The following SLC9A9 variants were observed in gnomAD, a reference collection of about 807,000 sequenced individuals.
SLC9A9 encodes the protein sodium/hydrogen exchanger 9.
In SLC9A9, 62 loss-of-function variants were observed where a neutral mutation model predicts 77.8. The observed-to-expected ratio is 0.80, with a 90% CI of 0.65 to 0.98. The LOEUF (loss-of-function observed/expected upper bound fraction) is 0.98, where lower values mean the gene tolerates loss of function less well. SLC9A9 is among the 50% of genes least tolerant of loss of function. The pLI is 0.00. For synonymous variants in SLC9A9, 320 were observed against 283.5 expected (o/e 1.13, Z -1.29); for missense variants, 775 against 774.9 (o/e 1.00, Z 0.00).
intron 6 of SLC9A9, among the ~76,000 whole-genome samples, chr3:143,635,167 G>A (rs1051279538): frequency 2.6e-5 from 4 of 152,160 alleles, no homozygotes; most frequent in Non-Finnish European, 4.4e-5. Flanking sequence ...AAGATGGATC[G>A]CCCACATGTC....
chr3:143,751,946 G>A (rs551129331), intron 4 of SLC9A9, among the ~76,000 whole-genome samples: 6 of 152,318 alleles, frequency 3.9e-5, no homozygotes, highest in South Asian at 2.1e-4. Context: ...GAGGCTGACT[G>A]TAAGAAAACC....
At position 143,283,785 on chromosome 3, in the gene SLC9A9, C is replaced by G. The variant is rs115228669; in HGVS notation, c.1605-14805G>C. Among the ~76,000 whole-genome samples, 344 of 152,320 alleles carry G rather than the reference C, an allele frequency of 2.3e-3. 3 individuals carry two copies. The highest frequency in any genetic ancestry group is 7.8e-3 in the African/African-American group (325 of 41,568). Reference sequence around the variant, plus strand: ...AAACGGAAAGTCCTGCCCATATCCACCATATCAACACATCTTCTCAGGAGT... The same window carrying G: ...AAACGGAAAGTCCTGCCCATATCCAGCATATCAACACATCTTCTCAGGAGT... On this transcript the variant is annotated intron_variant, in intron 14 of 15. Coordinates refer to ENST00000316549, the MANE Select transcript of SLC9A9 (RefSeq NM_173653.4).
At chr3:143,785,179 T>C (rs1468900405) in intron 4 of SLC9A9, among the ~76,000 whole-genome samples, 1 of 152,148 alleles carries the variant, frequency 6.6e-6, no homozygotes, top group Admixed American at 6.5e-5. Context: ...CAGCAAGAGG[T>C]GAAGCCTATT....
intron 14 of SLC9A9, among the ~76,000 whole-genome samples, chr3:143,274,282 C>A (rs1937981357): frequency 1.3e-5 from 2 of 152,234 alleles, no homozygotes; most frequent in Admixed American, 1.3e-4. Flanking sequence ...CTGTACCCTA[C>A]ACCCTTTCAT....
At chr3:143,463,736 C>T (rs7618726) in intron 12 of SLC9A9, among the ~76,000 whole-genome samples, 25,940 of 152,116 alleles carry the variant, frequency 0.17, 3,602 homozygotes, top group African/African-American at 0.38. Context: ...TGCTGCATTA[C>T]AAACATTTTA....
At chr3:143,604,694 G>T (rs1480839253) in intron 6 of SLC9A9, among the ~76,000 whole-genome samples, 1 of 152,194 alleles carries the variant, frequency 6.6e-6, no homozygotes, top group Non-Finnish European at 1.5e-5. Flanking sequence ...TTACATGGAA[G>T]AGATTGCAAT....
intron 14 of SLC9A9, among the ~76,000 whole-genome samples, chr3:143,310,187 T>TC (rs2108436540): frequency 6.6e-6 from 1 of 152,202 alleles, no homozygotes; most frequent in East Asian, 1.9e-4. Context: ...TTTTTGGGGC[T>TC]CCCCTCATCA....
rs547988412 is a variant in SLC9A9 at position 143,637,228 on chromosome 3, G to A, written c.755+15027C>T. Among the ~76,000 whole-genome samples the A allele has an allele frequency of 4.6e-5, 7 of 151,848 alleles. No homozygotes were observed. The East Asian group carries it at 1.4e-3, about 29-fold the overall frequency. On this transcript the variant is annotated intron_variant, in intron 6 of 15. Transcript: ENST00000316549. Reference sequence around the variant, plus strand: ...AGGGGAAGTTGAAAACCAATACAAAGAAATCTGAAAAACAATTCAAGATAT... The same window carrying A: ...AGGGGAAGTTGAAAACCAATACAAAAAAATCTGAAAAACAATTCAAGATAT...
chr3:143,584,612 C>CA (rs1355569815), intron 6 of SLC9A9, among the ~76,000 whole-genome samples: 2 of 152,130 alleles, frequency 1.3e-5, no homozygotes. Context: ...TAATCCCTAA[C>CA]AAAAAAATTA....
chr3:143,714,646 C>T (rs76302070), intron 4 of SLC9A9, among the ~76,000 whole-genome samples: 5,224 of 152,252 alleles, frequency 0.034, 292 homozygotes, highest in African/African-American at 0.12. Context: ...AAATACTTAA[C>T]ATGGTTATGC....
At chr3:143,810,857 C>T (rs2008846387) in intron 2 of SLC9A9, among the ~76,000 whole-genome samples, 1 of 151,998 alleles carries the variant, frequency 6.6e-6, no homozygotes, top group Non-Finnish European at 1.5e-5. Context: ...GGTTATAGTC[C>T]AAGAAAGGGA....
At chr3:143,513,355 A>G (rs923388737) in intron 9 of SLC9A9, among the ~76,000 whole-genome samples, 3 of 152,208 alleles carry the variant, frequency 2.0e-5, no homozygotes, top group African/African-American at 7.2e-5. Flanking sequence ...TTGCTCATCC[A>G]TAAGAAACAA....
chr3:143,746,469 T>C (rs955085862), intron 4 of SLC9A9, among the ~76,000 whole-genome samples: 4 of 152,224 alleles, frequency 2.6e-5, no homozygotes, highest in Non-Finnish European at 4.4e-5. Context: ...CTCTCACCTG[T>C]TAAATTATGA....
chr3:143,708,566 C>T (rs1934056320), intron 4 of SLC9A9, among the ~76,000 whole-genome samples: 1 of 152,200 alleles, frequency 6.6e-6, no homozygotes, highest in Non-Finnish European at 1.5e-5. Flanking sequence ...TGCCATCCTT[C>T]TCTCAACCTG....
At chr3:143,296,828 G>A (rs541553523) in intron 14 of SLC9A9, among the ~76,000 whole-genome samples, 8 of 152,178 alleles carry the variant, frequency 5.3e-5, no homozygotes, top group East Asian at 1.9e-4. Flanking sequence ...TCATCTGTAC[G>A]TCTTCTTCAG....
At chr3:143,830,053 T>G (rs1336671156) in intron 2 of SLC9A9, among the ~76,000 whole-genome samples, 1 of 152,164 alleles carries the variant, frequency 6.6e-6, no homozygotes, top group Non-Finnish European at 1.5e-5. Context: ...GAATTCTCAG[T>G]AAGGAAGACA....
chr3:143,556,772 G>A (rs376979504), intron 8 of SLC9A9, among the ~76,000 whole-genome samples: 65 of 152,158 alleles, frequency 4.3e-4, no homozygotes, highest in Non-Finnish European at 6.2e-4. Context: ...GTCAATCCTC[G>A]TTGATATTCT....
chr3:143,700,360 C>G lies in SLC9A9; in HGVS notation c.534-7053G>C, dbSNP rs1386599713. 2.0e-5 allele frequency among the ~76,000 whole-genome samples: 3 copies of G among 152,044 alleles called. No individual in the cohort carries two copies. The East Asian group carries it at 5.8e-4, about 30-fold the overall frequency. ...ACCTCAGGTATCTGCTCAGCAACAG[C>G]AGGACAGAGCACCAGGCAGACTCTT... On this transcript the variant is annotated intron_variant, in intron 4 of 15. Transcript: ENST00000316549.
At chr3:143,607,688 G>A (rs2037950635) in intron 6 of SLC9A9, among the ~76,000 whole-genome samples, 1 of 151,746 alleles carries the variant, frequency 6.6e-6, no homozygotes, top group Non-Finnish European at 1.5e-5. Context: ...CAACAAAAGG[G>A]ACATAGAGAA....
Sources: gnomAD v4.1 joint callset for allele counts (sites outside exome capture counted in the v4.1 genomes callset) on GRCh38, gnomAD v4.1.1 for gene constraint, MANE v1.5 for transcripts, NCBI Gene and HGNC (gene_info 2026-07-23, HGNC 2026-07-21) for gene names.